The following NRG1 variants were observed in gnomAD, a reference collection of about 807,000 sequenced individuals.
The protein encoded by NRG1 is pro-neuregulin-1, membrane-bound isoform.
NRG1 carries 18 observed loss-of-function variants against 63.8 expected under a neutral mutation model. The ratio of observed to expected loss-of-function variants is 0.28; its 90% CI spans 0.19 to 0.42. The LOEUF (loss-of-function observed/expected upper bound fraction) is 0.42. Among genes scored for constraint, NRG1 ranks in the 10% least tolerant of loss-of-function variants. The pLI, the probability that NRG1 is intolerant of heterozygous loss-of-function variation, is 1.00. For synonymous variants in NRG1, 302 were observed against 301.3 expected (o/e 1.00, Z -0.02); for missense variants, 762 against 814.7 (o/e 0.94, Z 0.79).
At chr8:31,772,897 C>T (rs1290335704) in intron 1 of NRG1, among the ~76,000 whole-genome samples, 1 of 152,124 alleles carries the variant, frequency 6.6e-6, no homozygotes, top group Non-Finnish European at 1.5e-5. Flanking sequence ...TTCAATCATA[C>T]ATTTTAATCT....
intron 1 of NRG1, among the ~76,000 whole-genome samples, chr8:32,474,495 C>CTT (rs10707813): frequency 2.3e-5 from 3 of 132,420 alleles, no homozygotes; most frequent in Admixed American, 7.6e-5. Context: ...GTGATATTCC[C>CTT]TTTTTTTTTT....
chr8:32,507,150 A>G (rs1486492957), intron 1 of NRG1, among the ~76,000 whole-genome samples: 1 of 116,920 alleles, frequency 8.6e-6, no homozygotes, highest in Non-Finnish European at 1.8e-5. Flanking sequence ...GAATGGTGAA[A>G]AAAATCCTTT....
intron 1 of NRG1, among the ~76,000 whole-genome samples, chr8:31,784,388 C>T (rs1819983706): frequency 1.3e-5 from 2 of 152,262 alleles, no homozygotes; most frequent in South Asian, 4.1e-4. Flanking sequence ...GGCTCTGTAG[C>T]ATGGCAAAAT....
At chr8:31,764,551 T>A (rs1817865909) in intron 1 of NRG1, among the ~76,000 whole-genome samples, 1 of 152,190 alleles carries the variant, frequency 6.6e-6, no homozygotes, top group Non-Finnish European at 1.5e-5. Flanking sequence ...TCAAATATAT[T>A]TAGCAATTCT....
chr8:32,117,908 T>G (rs1317107825), intron 1 of NRG1, among the ~76,000 whole-genome samples: 1 of 152,112 alleles, frequency 6.6e-6, no homozygotes, highest in East Asian at 1.9e-4. Context: ...CACATTCTTT[T>G]TCCTTGGGAT....
chr8:31,708,373 A>C (rs575897599), intron 1 of NRG1, among the ~76,000 whole-genome samples: 1 of 152,098 alleles, frequency 6.6e-6, no homozygotes, highest in African/African-American at 2.4e-5. Context: ...TCCCAGAATC[A>C]CTTCGTGGAA....
At chr8:31,912,455 C>T (rs781273921) in intron 1 of NRG1, among the ~76,000 whole-genome samples, 17 of 151,714 alleles carry the variant, frequency 1.1e-4, no homozygotes, top group Non-Finnish European at 2.4e-4. Flanking sequence ...CACGGGAGGA[C>T]TAGGCAGGGT....
rs113036853 is a variant in NRG1 at position 32,117,715 on chromosome 8, A to G, written c.38-478113A>G. ...AATATAAATTAGTATCATTTTATGT[A>G]CTCAAATGCCACACACATATGTATA... On this transcript the variant is annotated intron_variant, in intron 1 of 10. Transcript: ENST00000519301. Among the ~76,000 whole-genome samples the G allele has an allele frequency of 1.1e-3, 171 of 152,188 alleles. 2 individuals carry two copies. The highest frequency in any genetic ancestry group is 3.7e-3 in the African/African-American group (154 of 41,514).
chr8:32,764,523 CT>C, exon 12 of NRG1: 1 of 939,682 alleles, frequency 1.1e-6, no homozygotes, highest in Non-Finnish European at 1.5e-6. Context: ...AGGAAAAAAA[CT>C]TTTATAAATT....
At chr8:31,925,639 T>C (rs1834298226) in intron 1 of NRG1, among the ~76,000 whole-genome samples, 2 of 152,136 alleles carry the variant, frequency 1.3e-5, no homozygotes, top group Non-Finnish European at 2.9e-5. Flanking sequence ...TTTATGTTCT[T>C]TTCTACCATT....
At chr8:32,262,006 C>T (rs1180841520) in intron 1 of NRG1, among the ~76,000 whole-genome samples, 1 of 152,244 alleles carries the variant, frequency 6.6e-6, no homozygotes, top group Non-Finnish European at 1.5e-5. Context: ...AACCCTAGAT[C>T]TGCCACTTAA....
chr8:31,929,810 C>A (rs1266511203), intron 1 of NRG1, among the ~76,000 whole-genome samples: 1 of 152,164 alleles, frequency 6.6e-6, no homozygotes, highest in Admixed American at 6.5e-5. Flanking sequence ...ATATATATAT[C>A]ATTCCTTCAG....
At chr8:32,427,409 C>T (rs111538452) in intron 1 of NRG1, among the ~76,000 whole-genome samples, 3 of 152,116 alleles carry the variant, frequency 2.0e-5, no homozygotes, top group African/African-American at 7.2e-5. Context: ...TGCTCAGAGC[C>T]TCTTCTTACC....
At chr8:32,441,187 G>A (rs560078289) in intron 1 of NRG1, 2 of 152,198 alleles carry the variant, frequency 1.3e-5, no homozygotes, top group South Asian at 4.2e-4. Flanking sequence ...TTTGAAATTA[G>A]GCACTTTCCC....
At chr8:32,497,847 G>A (rs1438143979) in intron 1 of NRG1, among the ~76,000 whole-genome samples, 1 of 152,160 alleles carries the variant, frequency 6.6e-6, no homozygotes, top group Non-Finnish European at 1.5e-5. Flanking sequence ...TTTTGAGACA[G>A]AGTTTCACTC....
At chr8:32,069,129 G>C (rs1825355024) in intron 1 of NRG1, among the ~76,000 whole-genome samples, 1 of 152,224 alleles carries the variant, frequency 6.6e-6, no homozygotes, top group African/African-American at 2.4e-5. Flanking sequence ...CTCAGGGTCT[G>C]TCTGCTCACA....
intron 1 of NRG1, among the ~76,000 whole-genome samples, chr8:31,941,000 G>A (rs1801662089): frequency 6.6e-6 from 1 of 152,004 alleles, no homozygotes; most frequent in African/African-American, 2.4e-5. Flanking sequence ...CAATCCTACT[G>A]AAAATCTTCC....
At chr8:32,626,001 C>A (rs1047103199) in intron 5 of NRG1, among the ~76,000 whole-genome samples, 4 of 151,890 alleles carry the variant, frequency 2.6e-5, no homozygotes, top group African/African-American at 9.7e-5. Context: ...ACCATGTTGG[C>A]CAGGCTGGTC....
At chr8:31,758,910 T>C (rs1817249153) in intron 1 of NRG1, among the ~76,000 whole-genome samples, 1 of 152,162 alleles carries the variant, frequency 6.6e-6, no homozygotes, top group Admixed American at 6.6e-5. Context: ...CTCTGTGTTC[T>C]AGCCAATGCT....
Sources: gnomAD v4.1 joint callset for allele counts (sites outside exome capture counted in the v4.1 genomes callset) on GRCh38, gnomAD v4.1.1 for gene constraint, MANE v1.5 for transcripts, NCBI Gene and HGNC (gene_info 2026-07-23, HGNC 2026-07-21) for gene names.